ROBO3: variants seen among roughly 807,000 people sequenced by gnomAD.
ROBO3 encodes the protein roundabout guidance receptor 3.
In ROBO3, 97 loss-of-function variants were observed where a neutral mutation model predicts 160.5. The observed-to-expected ratio is 0.60, with a 90% confidence interval of 0.51 to 0.72. The LOEUF (loss-of-function observed/expected upper bound fraction) is 0.72. Ranked by LOEUF, ROBO3 falls within the 30% of genes least tolerant of loss-of-function variation. The pLI is 0.00. For missense variants in ROBO3, 1,858 were observed against 1,846.5 expected, an observed-to-expected ratio of 1.01 and a Z score of -0.11; for synonymous variants, 780 against 746.2, an observed-to-expected ratio of 1.05 and a Z score of -0.74.
rs746058652 is a variant in ROBO3, at chr11:124,874,185, G to A, written c.1900G>A (p.Ala634Thr). ...IYLFLVRAVGAWGLSEPSPVS... is the reference protein window; with the variant it reads ...IYLFLVRAVGTWGLSEPSPVS... Reference sequence around the variant, plus strand: ...CCTGTTTCTGGTTCGAGCAGTGGGAGCCTGGGGCCTCAGTGAGCCCAGCCC... The same window carrying A: ...CCTGTTTCTGGTTCGAGCAGTGGGAACCTGGGGCCTCAGTGAGCCCAGCCC... Residue 634 changes from alanine (A) to threonine (T), a missense_variant, in exon 12 of 28, where the codon GCC becomes ACC. Transcript: ENST00000397801. The A allele has an allele frequency of 3.7e-6, 6 of 1,613,840 alleles. No individual in the cohort carries two copies. In the East Asian group the frequency reaches 1.3e-4, roughly 36 times the overall value.
intron 26 of ROBO3, among the ~76,000 whole-genome samples, 177 bp from the exon 27 acceptor site, chr11:124,880,241 A>G (rs4326810): frequency 0.15 from 23,506 of 152,184 alleles, 3,646 homozygotes; most frequent in African/African-American, 0.4. Flanking sequence ...CTGAGCACCC[A>G]TGATGTCAAG....
chr11:124,879,745 A>C (rs776128489), intron 25 of ROBO3, 42 bp from the exon 26 acceptor site: 1 of 1,609,582 alleles, frequency 6.2e-7, no homozygotes, highest in East Asian at 2.2e-5. Flanking sequence ...GATTAGTGAC[A>C]GGAGTGGCAG....
rs1345392308 is a variant in ROBO3 at position 124,880,481 on chromosome 11, G to A, written c.4022G>A (p.Cys1341Tyr). Residue 1341 changes from cysteine to tyrosine, a missense_variant, in exon 27 of 28, where the codon TGT (cysteine) becomes TAT (tyrosine). By Grantham distance (194) the Cys-to-Tyr change is radical (BLOSUM62 -2). Transcript: ENST00000397801. Reference protein sequence around the residue: ...FLSRGQGTSTCSTAGSNSSRG... With the variant: ...FLSRGQGTSTYSTAGSNSSRG... ...TCCCGGGGCCAGGGCACCAGCACAT[G>A]TTCCACGGCCGGCAGCAACTCTTCC... 2 of 1,607,902 alleles carry A rather than the reference G, an allele frequency of 1.2e-6. No individual in the cohort carries two copies. Among genetic ancestry groups the A allele is most frequent in the South Asian group, 2.2e-5 (2 of 89,552 alleles).
At position 124,876,492 on chromosome 11, in the gene ROBO3, G is replaced by A; in HGVS notation, c.2779+32G>A. 1 of 1,357,548 alleles carries A rather than the reference G, an allele frequency of 7.4e-7. No individual in the cohort carries two copies. The highest frequency in any genetic ancestry group is 9.4e-7 in the Non-Finnish European group (1 of 1,060,456). The allele number at this position is 1,357,548 out of a possible 1,614,324, so 84.1% of individuals were successfully genotyped here. A position where few individuals can be genotyped will look rare whatever the true frequency, so the allele number is the denominator to read the frequency against. On this transcript the variant is annotated intron_variant, in intron 17 of 27. Coordinates refer to ENST00000397801, the MANE Select transcript of ROBO3 (RefSeq NM_022370.4). This position sits in a 1 kb window ranked among gnomAD's most constrained non-coding sequence, Gnocchi z 5.3. ...TCCCGGCCTCGGAGCGGACGGATCC[G>A]GGAGGGAGCCAGGCGGCCCATGGGG... is the stretch of plus-strand genomic sequence containing the variant.
Position 124,873,637 on chromosome 11 carries a change from A to C in ROBO3, c.1619-60A>C, listed in dbSNP as rs1946308407. ...TCCATAGCTCCCCTGGTAAGGAGAC[A>C]GGTTACACTAGGATTATCCTTTCCC... On this transcript the variant is annotated intron_variant, in intron 10 of 27. Transcript: ENST00000397801. The surrounding 1 kb of genome is among the most constrained non-coding windows in gnomAD (Gnocchi z 4.5). The C allele has an allele frequency of 2.7e-6, 4 of 1,474,316 alleles. No individual in the cohort carries two copies. The Admixed American group carries it at 7.6e-5, about 28-fold the overall frequency. 91.3% of individuals were successfully genotyped at this position (1,474,316 alleles called of 1,614,324 possible).
chr11:124,876,573 C>A lies in ROBO3; in HGVS notation c.2779+113C>A. The stretch of plus-strand genomic sequence containing the variant: ...GGACCGGGTCGGGAGAAAGGGGTCG[C>A]ACCTGGAGTTCAGCCTCTTGGGTAG... On this transcript the variant is annotated intron_variant, in intron 17 of 27. Transcript: ENST00000397801. This position sits in a 1 kb window ranked among gnomAD's most constrained non-coding sequence, Gnocchi z 5.3. 1 of 907,638 alleles carries A rather than the reference C, an allele frequency of 1.1e-6. No homozygotes were observed. Among genetic ancestry groups the A allele is most frequent in the Non-Finnish European group, 1.5e-6 (1 of 664,420 alleles). 56.2% of individuals were successfully genotyped at this position (907,638 alleles called of 1,614,324 possible).
chr11:124,877,971 C>A lies in ROBO3; in HGVS notation c.3021C>A (p.Ala1007=). The change falls in exon 21 of 28, where the codon GCC becomes GCA. Residue 1007 remains alanine (A), a synonymous_variant. Coordinates refer to ENST00000397801, the MANE Select transcript of ROBO3 (RefSeq NM_022370.4). ...TCTCCCTGTATCTAGCTCAGACGGC[C>A]AGGGGCACGGCCGCCCCTGGCGAGG... ...AGISLYLAQT[A]RGTAAPGEGP... 1 of 1,610,394 alleles carries A rather than the reference C, an allele frequency of 6.2e-7. No homozygotes were observed. Among genetic ancestry groups the A allele is most frequent in the Non-Finnish European group, 8.5e-7 (1 of 1,178,422 alleles).
chr11:124,873,977 A>G lies in ROBO3; in HGVS notation c.1785-93A>G. On this transcript the variant is annotated intron_variant, in intron 11 of 27. Transcript: ENST00000397801. The surrounding 1 kb of genome is among the most constrained non-coding windows in gnomAD (Gnocchi z 4.5). ...TCCAGTACCCTCTTGCAAGGGGAAG[A>G]CATAATGGTCGTTCATAGAGAGTGG... 6.3e-7 allele frequency: 1 copy of G among 1,586,128 alleles called. No individual in the cohort carries two copies. The highest frequency in any genetic ancestry group is 8.6e-7 in the Non-Finnish European group (1 of 1,158,620).
chr11:124,872,573 G>T lies in ROBO3; in HGVS notation c.1330+21G>T. On this transcript the variant is annotated intron_variant, in intron 8 of 27. Transcript: ENST00000397801. This position sits in a 1 kb window ranked among gnomAD's most constrained non-coding sequence, Gnocchi z 4.3. ...AGGAGGTACGTGCCCATGGAGATAG[G>T]ACTGGATCCATGGCTTGGGAGGAAA... The T allele has an allele frequency of 6.2e-7, 1 of 1,602,758 alleles. No individual in the cohort carries two copies. Among genetic ancestry groups the T allele is most frequent in the South Asian group, 1.1e-5 (1 of 90,536 alleles).
intron 6 of ROBO3, 37 bp downstream of exon 6, chr11:124,870,765 G>C: frequency 6.2e-7 from 1 of 1,601,118 alleles, no homozygotes; most frequent in Non-Finnish European, 8.5e-7. Flanking sequence ...CAGCAGGAAT[G>C]GTAGGAGGGG....
Position 124,877,148 on chromosome 11 carries a change from T to TC in ROBO3, c.2780-11dup, listed in dbSNP as rs772420086. The TC allele has an allele frequency of 9.9e-6, 16 of 1,613,796 alleles. No individual in the cohort carries two copies. Among genetic ancestry groups the TC allele is most frequent in the Non-Finnish European group, 1.3e-5 (15 of 1,179,776 alleles). ...TTCACCTCTTCTTTCTCCCACGGGT[T>TC]CCTTTCTGGAAGCCTCTTTTGCCTA... On this transcript the variant is annotated splice_polypyrimidine_tract_variant and intron_variant, in intron 17 of 27. Coordinates refer to ENST00000397801, the MANE Select transcript of ROBO3 (RefSeq NM_022370.4).
In ROBO3 at chr11:124,879,934, T is replaced by C; in HGVS notation, c.3944T>C (p.Val1315Ala). Reference sequence around the variant, plus strand: ...GCCGTGCCCCTGGCAGCCCAGCGGGTGCTCCACCCAGATGGTAAGCAGGGC... The same window carrying C: ...GCCGTGCCCCTGGCAGCCCAGCGGGCGCTCCACCCAGATGGTAAGCAGGGC... ...VQAVPLAAQR[V>A]LHPDEEAWLP... is the part of the protein sequence containing the mutation. Residue 1315 changes from valine (V) to alanine (A), a missense_variant, in exon 26 of 28, where the codon GTG becomes GCG. By Grantham distance (64) the Val-to-Ala change is moderately conservative. Coordinates refer to ENST00000397801, the MANE Select transcript of ROBO3 (RefSeq NM_022370.4). 2 of 1,586,104 alleles carry C rather than the reference T, an allele frequency of 1.3e-6. No homozygotes were observed. The highest frequency in any genetic ancestry group is 1.8e-5 in the Admixed American group (1 of 55,828).
rs752769386 is a variant in ROBO3, at chr11:124,870,201, T to C, written c.803T>C (p.Val268Ala). Residue 268 changes from valine to alanine, a missense_variant, in exon 5 of 28, where the codon GTG becomes GCG. Physicochemically the swap from Val to Ala is moderately conservative, Grantham distance 64. Transcript: ENST00000397801. ...PSFLRRPVNQ[V>A]VLADAPVTFL... is the part of the protein sequence containing the mutation. ...TTCCTGCGCAGACCAGTGAATCAGG[T>C]GGTCCTGGCTGATGCCCCTGTGACT... 6.2e-6 allele frequency: 10 copies of C among 1,613,900 alleles called. No homozygotes were observed. The highest frequency in any genetic ancestry group is 7.6e-6 in the Non-Finnish European group (9 of 1,179,898).
Position 124,873,183 on chromosome 11 carries a change from C to A in ROBO3, c.1536+94C>A, listed in dbSNP as rs1946302495. 5 of 1,430,244 alleles carry A rather than the reference C, an allele frequency of 3.5e-6. No homozygotes were observed. The highest frequency in any genetic ancestry group is 3.9e-6 in the Non-Finnish European group (4 of 1,033,720). 88.6% of individuals were successfully genotyped at this position (1,430,244 alleles called of 1,614,324 possible). ...GTACTCACTGGGCCTGTAGCCCCAT[C>A]TTTACCCCTCTGTTCTCTCAGAGCA... On this transcript the variant is annotated intron_variant, in intron 9 of 27. Transcript: ENST00000397801. The surrounding 1 kb of genome is among the most constrained non-coding windows in gnomAD (Gnocchi z 4.5).
At position 124,869,371 on chromosome 11, in the gene ROBO3, A is replaced by G; in HGVS notation, c.488-79A>G. The G allele has an allele frequency of 1.5e-6, 2 of 1,351,252 alleles. No individual in the cohort carries two copies. The highest frequency in any genetic ancestry group is 2.5e-5 in the South Asian group (2 of 80,650). The allele number at this position is 1,351,252 out of a possible 1,614,324, so 83.7% of individuals were successfully genotyped here. A position where few individuals can be genotyped will look rare whatever the true frequency, so the allele number is the denominator to read the frequency against. On this transcript the variant is annotated intron_variant, in intron 2 of 27. Transcript: ENST00000397801. The surrounding 1 kb of genome is among the most constrained non-coding windows in gnomAD (Gnocchi z 4.2). ...GTCTGCAGCGATCAACCCCTTCCCA[A>G]GACAACACTTTCCCTGTGTCCTCAG... is the stretch of plus-strand genomic sequence containing the variant.
rs551452178 is a variant in ROBO3 at position 124,865,794 on chromosome 11, C to A, written c.160+57C>A. The A allele has an allele frequency of 5.4e-5, 82 of 1,515,454 alleles. No individual in the cohort carries two copies. In the African/African-American group the frequency reaches 9.3e-4, roughly 17 times the overall value. 93.9% of individuals were successfully genotyped at this position (1,515,454 alleles called of 1,614,324 possible). A position where few individuals can be genotyped will look rare whatever the true frequency, so the allele number is the denominator to read the frequency against. On this transcript the variant is annotated intron_variant, in intron 1 of 27. Coordinates refer to ENST00000397801, the MANE Select transcript of ROBO3 (RefSeq NM_022370.4). The surrounding 1 kb of genome is among the most constrained non-coding windows in gnomAD (Gnocchi z 5.5). ...CTGGGATGGGGATGAGGTGAGAGGG[C>A]GGCGTGGAAGGGAAGGAGAAGCGCT...
chr11:124,879,954 C>G lies in ROBO3; in HGVS notation c.3958+6C>G, dbSNP rs770227304. 1.0e-5 allele frequency: 16 copies of G among 1,559,404 alleles called. 1 individual carries two copies. The South Asian group carries it at 1.5e-4, about 15-fold the overall frequency. ...GCGGGTGCTCCACCCAGATGGTAAG[C>G]AGGGCCAGGGCAGGCAGGAGGGCTG... is the stretch of plus-strand genomic sequence containing the variant. On this transcript the variant is annotated splice_donor_region_variant and intron_variant, in intron 26 of 27. Coordinates refer to ENST00000397801, the MANE Select transcript of ROBO3 (RefSeq NM_022370.4).
Position 124,875,218 on chromosome 11 carries a change from A to G in ROBO3, c.2181A>G (p.Gln727=). ...TGGACCTACAGTCCCCAAGCCAGCA[A>G]AGTACTGTGCTAAGAGGACTCCCTC... ...TMLDLQSPSQ[Q]STVLRGLPPG... The change falls in exon 14 of 28, where the codon CAA becomes CAG. Residue 727 remains glutamine (Q), a synonymous_variant. Transcript: ENST00000397801. 6.2e-7 allele frequency: 1 copy of G among 1,613,814 alleles called. No homozygotes were observed. Among genetic ancestry groups the G allele is most frequent in the South Asian group, 1.1e-5 (1 of 91,080 alleles).
chr11:124,876,689 T>C lies in ROBO3; in HGVS notation c.2779+229T>C, dbSNP rs1446899991. Reference sequence around the variant, plus strand: ...GCGGGATCTGGATGACGTTTGCCTCTAAGACGCCACGAGGAGGCCAGGCTT... The same window carrying C: ...GCGGGATCTGGATGACGTTTGCCTCCAAGACGCCACGAGGAGGCCAGGCTT... On this transcript the variant is annotated intron_variant, in intron 17 of 27. Transcript: ENST00000397801. This position sits in a 1 kb window ranked among gnomAD's most constrained non-coding sequence, Gnocchi z 5.3. 2.6e-6 allele frequency: 1 copy of C among 391,210 alleles called. No individual in the cohort carries two copies. The highest frequency in any genetic ancestry group is 4.3e-5 in the Admixed American group (1 of 23,100). 24.2% of individuals were successfully genotyped at this position (391,210 alleles called of 1,614,324 possible). A position where few individuals can be genotyped will look rare whatever the true frequency, so the allele number is the denominator to read the frequency against.
Sources: gnomAD v4.1 joint callset for allele counts (sites outside exome capture counted in the v4.1 genomes callset) on GRCh38, gnomAD v4.1.1 for gene constraint, Gnocchi (gnomAD v3.1) non-coding constraint, MANE v1.5 for transcripts, NCBI Gene and HGNC (gene_info 2026-07-23, HGNC 2026-07-21) for gene names.